GLT8D1: variants seen among roughly 807,000 people sequenced by gnomAD.
The protein encoded by GLT8D1 is glycosyltransferase 8 domain containing 1.
Under a neutral mutation model 46.2 loss-of-function variants are expected in GLT8D1, and 41 were observed. That is an observed-to-expected ratio of 0.89 (90% CI 0.69 to 1.15). The LOEUF (loss-of-function observed/expected upper bound fraction) is 1.15, where lower values mean the gene tolerates loss of function less well. GLT8D1 is among the 50% of genes most tolerant of loss of function. The probability of loss-of-function intolerance (pLI) is 0.00; values close to 1 mark genes in which losing one functional copy is unlikely to be tolerated. For missense variants in GLT8D1, 408 were observed against 449.3 expected (o/e 0.91, Z 0.83); for synonymous variants, 150 against 154.2 (o/e 0.97, Z 0.20).
intron 3 of GLT8D1, 45 bp downstream of exon 3, chr3:52,700,217 G>A: frequency 8.5e-7 from 1 of 1,172,470 alleles, no homozygotes; most frequent in Non-Finnish European, 1.3e-6. Flanking sequence ...GAGAATACCA[G>A]GTCCGCAACA....
At chr3:52,695,641 A>G (rs1275675285) in intron 7 of GLT8D1, 54 bp from the exon 8 acceptor site, 7 of 1,042,976 alleles carry the variant, frequency 6.7e-6, no homozygotes, top group Admixed American at 3.9e-5. Flanking sequence ...AATAGATACA[A>G]TTTTATAGCC....
rs1456545424 is a variant in GLT8D1, at chr3:52,694,725, G to A, written c.*120C>T. The A allele has an allele frequency of 4.0e-6, 3 of 744,978 alleles. No homozygotes were observed. The highest frequency in any genetic ancestry group is 3.9e-5 in the Admixed American group (2 of 50,640). 46.1% of individuals were successfully genotyped at this position (744,978 alleles called of 1,614,324 possible). On this transcript the variant is annotated 3_prime_UTR_variant, in exon 10 of 10. Coordinates refer to ENST00000266014, the MANE Select transcript of GLT8D1 (RefSeq NM_018446.4). ...GGCAGTTTGTCATCTTTACCTAGCT[G>A]ACACATCTTTTTCCATGGCTTGCTA...
chr3:52,697,563 T>C, intron 4 of GLT8D1, 158 bp downstream of exon 4: 2 of 642,052 alleles, frequency 3.1e-6, no homozygotes, highest in Non-Finnish European at 5.6e-6. Context: ...ATGCTCATAA[T>C]ACAGTCCTAA....
In GLT8D1 at chr3:52,705,775, C is replaced by T; in HGVS notation, c.-365G>A. 8.3e-7 allele frequency: 1 copy of T among 1,197,768 alleles called. No individual in the cohort carries two copies. The highest frequency in any genetic ancestry group is 1.1e-6 in the Non-Finnish European group (1 of 937,096). 74.2% of individuals were successfully genotyped at this position (1,197,768 alleles called of 1,614,324 possible). A position where few individuals can be genotyped will look rare whatever the true frequency, so the allele number is the denominator to read the frequency against. ...CGCAGCGGTAACCGCTAGAGCGTCG[C>T]GCCAAGCAGGCGCCGCGGGGCAGCC... On this transcript the variant is annotated 5_prime_UTR_variant, in exon 1 of 10. Transcript: ENST00000266014.
rs995801347 is a variant in GLT8D1, at chr3:52,696,200, T to G, written c.532+34A>C. ...ATTTAGCAATTGTACCCAATCTGGG[T>G]GGAGAACAGCACTCATGGTGACATT... On this transcript the variant is annotated intron_variant, in intron 6 of 9. Coordinates refer to ENST00000266014, the MANE Select transcript of GLT8D1 (RefSeq NM_018446.4). The G allele has an allele frequency of 3.6e-6, 5 of 1,391,406 alleles. No homozygotes were observed. The Admixed American group carries it at 6.7e-5, about 19-fold the overall frequency. The allele number at this position is 1,391,406 out of a possible 1,614,324, so 86.2% of individuals were successfully genotyped here. A position where few individuals can be genotyped will look rare whatever the true frequency, so the allele number is the denominator to read the frequency against.
In GLT8D1 at chr3:52,695,199, G is replaced by A. The variant is rs1300235724; in HGVS notation, c.916C>T (p.Arg306Cys). The A allele has an allele frequency of 3.7e-6, 6 of 1,609,560 alleles. No homozygotes were observed. Among genetic ancestry groups the A allele is most frequent in the East Asian group, 2.2e-5 (1 of 44,848 alleles). ...GGTTAATTCTACTTACCAAGGTGGC[G>A]GACATTCCACATAGGATCGATGGTA... The part of the protein sequence containing the change: ...HSTIDPMWNV[R>C]HLGSSAGKRY... Residue 306 changes from arginine (R) to cysteine (C), a missense_variant, in exon 9 of 10, where the codon CGC becomes TGC. Transcript: ENST00000266014.
chr3:52,696,967 G>A (rs927544617), intron 4 of GLT8D1, among the ~76,000 whole-genome samples: 6 of 152,362 alleles, frequency 3.9e-5, no homozygotes, highest in Admixed American at 3.9e-4. Context: ...CAAGTCTGAG[G>A]CACTACCTGT....
At chr3:52,697,219 G>C (rs2097334655) in intron 4 of GLT8D1, among the ~76,000 whole-genome samples, 1 of 152,172 alleles carries the variant, frequency 6.6e-6, no homozygotes, top group Non-Finnish European at 1.5e-5. Context: ...AACAAATTTG[G>C]AGTAAGTTTT....
At chr3:52,696,996 A>G (rs937621328) in intron 4 of GLT8D1, among the ~76,000 whole-genome samples, 9 of 58,978 alleles carry the variant, frequency 1.5e-4, no homozygotes, top group African/African-American at 6.8e-4. Context: ...ACTGTTTGCT[A>G]AAGGAGTACT....
In GLT8D1 at chr3:52,694,571, A is replaced by G; in HGVS notation, c.*274T>C. ...ACAGCAGTTTTGAATTATCTGTACC[A>G]GCTAGCTGAACTAGCCATATCAGTT... is the stretch of plus-strand genomic sequence containing the variant. On this transcript the variant is annotated 3_prime_UTR_variant, in exon 10 of 10. Coordinates refer to ENST00000266014, the MANE Select transcript of GLT8D1 (RefSeq NM_018446.4). 1.7e-6 allele frequency: 1 copy of G among 592,028 alleles called. No individual in the cohort carries two copies. The highest frequency in any genetic ancestry group is 2.0e-5 in the South Asian group (1 of 48,786). 36.7% of individuals were successfully genotyped at this position (592,028 alleles called of 1,614,324 possible).
In GLT8D1 at chr3:52,699,562, G is replaced by A. The variant is rs1288399105; in HGVS notation, c.115+700C>T. Among the ~76,000 whole-genome samples the A allele has an allele frequency of 2.6e-5, 4 of 152,088 alleles. No individual in the cohort carries two copies. The East Asian group carries it at 7.7e-4, about 29-fold the overall frequency. On this transcript the variant is annotated intron_variant, in intron 3 of 9. Coordinates refer to ENST00000266014, the MANE Select transcript of GLT8D1 (RefSeq NM_018446.4). ...CCTCCCAAAGTGCTGAGATGGTCTC[G>A]ATCTCTGACCTTGTGAGACGCCCAC...
intron 1 of GLT8D1, among the ~76,000 whole-genome samples, chr3:52,702,396 A>G (rs1384468103): frequency 6.6e-6 from 1 of 152,148 alleles, no homozygotes; most frequent in African/African-American, 2.4e-5. Flanking sequence ...ATATACAAAA[A>G]TTAGCCAGGC....
intron 4 of GLT8D1, 132 bp from the exon 5 acceptor site, chr3:52,696,791 C>T (rs953977883): frequency 6.5e-6 from 4 of 616,180 alleles, no homozygotes; most frequent in South Asian, 2.1e-5. Flanking sequence ...TTGGTTTCCT[C>T]GTCTGAAGTG....
chr3:52,697,884 G>T lies in GLT8D1; in HGVS notation c.166C>A (p.Arg56=), dbSNP rs114173039. Residue 56 remains arginine (R), a synonymous_variant, in exon 4 of 10, where the codon CGA becomes AGA. Coordinates refer to ENST00000266014, the MANE Select transcript of GLT8D1 (RefSeq NM_018446.4). The part of the protein sequence containing the change: ...QPIDFVPNAL[R]HAVDGRQEEI... Reference sequence around the variant, plus strand: ...TCTTGTCTCCCATCTACTGCATGTCGGAGAGCATTTGGGACAAAGTCTATA... The same window carrying T: ...TCTTGTCTCCCATCTACTGCATGTCTGAGAGCATTTGGGACAAAGTCTATA... 3,688 of 1,613,726 alleles carry T rather than the reference G, an allele frequency of 2.3e-3. 3 individuals are homozygous for T. Among genetic ancestry groups the T allele is most frequent in the Non-Finnish European group, 3.0e-3 (3,491 of 1,179,648 alleles).
chr3:52,705,389 G>C (rs151186583), intron 1 of GLT8D1, 58 bp downstream of exon 1: 1 of 152,578 alleles, frequency 6.6e-6, no homozygotes, highest in East Asian at 1.9e-4. Flanking sequence ...TCTCTCTGTT[G>C]TGGATGCCGC....
chr3:52,695,856 A>G (rs749146959), intron 7 of GLT8D1, 72 bp downstream of exon 7: 1 of 873,200 alleles, frequency 1.1e-6, no homozygotes, highest in Non-Finnish European at 1.9e-6. Flanking sequence ...GCAGCAAAAG[A>G]GTTCCCTGAA....
intron 3 of GLT8D1, 38 bp downstream of exon 3, chr3:52,700,224 A>G: frequency 1.6e-6 from 2 of 1,287,956 alleles, no homozygotes; most frequent in Non-Finnish European, 1.1e-6. Context: ...CCAGGTCCGC[A>G]ACAGATTCTA....
intron 3 of GLT8D1, among the ~76,000 whole-genome samples, chr3:52,699,194 A>C (rs2097337087): frequency 6.6e-6 from 1 of 152,194 alleles, no homozygotes; most frequent in Non-Finnish European, 1.5e-5. Context: ...CAACCAACTA[A>C]TATTTATTGA....
At chr3:52,698,012 G>A in intron 3 of GLT8D1, 78 bp from the exon 4 acceptor site, 7 of 902,220 alleles carry the variant, frequency 7.8e-6, no homozygotes, top group Non-Finnish European at 1.1e-5. Context: ...AAAAAGGGAA[G>A]GTAAGGATTA....
Sources: allele counts gnomAD v4.1 joint callset (sites outside exome capture counted in the v4.1 genomes callset), GRCh38; gene constraint gnomAD v4.1.1; transcripts MANE v1.5; gene names NCBI Gene and HGNC (gene_info 2026-07-23, HGNC 2026-07-21).